Variants in MSI2 observed in about 807,000 individuals in gnomAD.
MSI2 encodes the protein RNA-binding protein Musashi homolog 2.
In MSI2, 17 loss-of-function variants were observed where a neutral mutation model predicts 45.6. That is an observed-to-expected ratio of 0.37 (90% CI 0.26 to 0.56). MSI2 has a LOEUF of 0.56. Among genes scored for constraint, MSI2 ranks in the 20% least tolerant of loss-of-function variants. The pLI, the probability that MSI2 is intolerant of heterozygous loss-of-function variation, is 0.77. For missense variants in MSI2, 293 were observed against 444.2 expected (o/e 0.66, Z 3.06); for synonymous variants, 156 against 158.2 (o/e 0.99, Z 0.11).
intron 5 of MSI2, among the ~76,000 whole-genome samples, chr17:57,286,882 G>A (rs1366668465): frequency 6.6e-6 from 1 of 152,118 alleles, no homozygotes; most frequent in Non-Finnish European, 1.5e-5. Flanking sequence ...ATGGCAGTCT[G>A]GCTCATTAAA....
At chr17:57,517,354 G>A (rs1464832269) in intron 6 of MSI2, among the ~76,000 whole-genome samples, 2 of 152,272 alleles carry the variant, frequency 1.3e-5, no homozygotes, top group Non-Finnish European at 2.9e-5. Flanking sequence ...GCGCTGATTC[G>A]GGTGCCTGAT....
Position 57,652,056 on chromosome 17 carries a change from C to T in MSI2, c.728-43C>T. 1.2e-6 allele frequency: 2 copies of T among 1,602,656 alleles called. No individual in the cohort carries two copies. The highest frequency in any genetic ancestry group is 1.7e-6 in the Non-Finnish European group (2 of 1,169,780). ...GACCTAGGTCTGTGCCTGGCCCTTT[C>T]AAGGATTCCTCCATGACTCAGGCTC... is the stretch of plus-strand genomic sequence containing the variant. On this transcript the variant is annotated intron_variant, in intron 10 of 13. Coordinates refer to ENST00000284073, the MANE Select transcript of MSI2 (RefSeq NM_138962.4). This position sits in a 1 kb window ranked among gnomAD's most constrained non-coding sequence, Gnocchi z 4.1.
At chr17:57,519,432 C>T (rs1039919496) in intron 6 of MSI2, among the ~76,000 whole-genome samples, 6 of 152,056 alleles carry the variant, frequency 3.9e-5, no homozygotes, top group African/African-American at 7.2e-5. Flanking sequence ...CTGCACGGGG[C>T]GGGGAGACTC....
intron 7 of MSI2, among the ~76,000 whole-genome samples, chr17:57,540,323 G>T (rs1446323146): frequency 6.6e-6 from 1 of 152,110 alleles, no homozygotes; most frequent in East Asian, 1.9e-4. Flanking sequence ...GGGAATGGAG[G>T]CTCAGGCTTG....
chr17:57,389,500 A>G (rs1310610164), intron 5 of MSI2, among the ~76,000 whole-genome samples: 1 of 152,148 alleles, frequency 6.6e-6, no homozygotes, highest in Non-Finnish European at 1.5e-5. Flanking sequence ...GCTGCAGGTC[A>G]TGCCCAGCCC....
rs541762774 is a variant in MSI2, at chr17:57,494,432, G to T, written c.406-35244G>T. 3.0e-4 allele frequency among the ~76,000 whole-genome samples: 45 copies of T among 152,162 alleles called. 1 individual carries two copies. In the South Asian group the frequency reaches 9.0e-3, roughly 30 times the overall value. On this transcript the variant is annotated intron_variant, in intron 6 of 13. Transcript: ENST00000284073. Reference sequence around the variant, plus strand: ...CAGACTGTGGACCTGGAGTGGGTTTGGGGGCTGGAGAAGTAGAGGAGGTGG... The same window carrying T: ...CAGACTGTGGACCTGGAGTGGGTTTTGGGGCTGGAGAAGTAGAGGAGGTGG...
At chr17:57,568,322 G>T (rs1484585541) in intron 7 of MSI2, among the ~76,000 whole-genome samples, 2 of 152,168 alleles carry the variant, frequency 1.3e-5, no homozygotes, top group Non-Finnish European at 2.9e-5. Flanking sequence ...GATCTATAAG[G>T]TGGGCACAAG....
At chr17:57,363,647 G>A (rs2143915469) in intron 5 of MSI2, among the ~76,000 whole-genome samples, 1 of 152,322 alleles carries the variant, frequency 6.6e-6, no homozygotes, top group South Asian at 2.1e-4. Flanking sequence ...GCTGAGGGAT[G>A]AGAATTGCTT....
chr17:57,299,843 G>A (rs1911286199), intron 5 of MSI2, among the ~76,000 whole-genome samples: 1 of 152,158 alleles, frequency 6.6e-6, no homozygotes. Flanking sequence ...TACAATATTA[G>A]CACAGTGCAA....
chr17:57,313,296 A>G (rs530161861), intron 5 of MSI2, among the ~76,000 whole-genome samples: 137 of 152,322 alleles, frequency 9.0e-4, no homozygotes, highest in Non-Finnish European at 1.6e-3. Flanking sequence ...CTTTTCTAGC[A>G]TAAAACACGT....
At chr17:57,376,889 G>C (rs563564705) in intron 5 of MSI2, among the ~76,000 whole-genome samples, 76 of 143,570 alleles carry the variant, frequency 5.3e-4, no homozygotes, top group Middle Eastern at 3.6e-3. Flanking sequence ...GAAGAACATG[G>C]TCATTCTGGG....
chr17:57,610,151 C>T (rs1907092459), intron 8 of MSI2, among the ~76,000 whole-genome samples: 1 of 151,896 alleles, frequency 6.6e-6, no homozygotes, highest in South Asian at 2.1e-4. Context: ...AACTTACTCT[C>T]AAATGGAAAA....
chr17:57,371,615 C>G (rs2083423148), intron 5 of MSI2, among the ~76,000 whole-genome samples: 1 of 151,546 alleles, frequency 6.6e-6, no homozygotes, highest in East Asian at 1.9e-4. Flanking sequence ...ATATTTTCCT[C>G]ATTCACTGTT....
At chr17:57,617,049 G>T (rs1907782931) in intron 9 of MSI2, among the ~76,000 whole-genome samples, 1 of 152,172 alleles carries the variant, frequency 6.6e-6, no homozygotes, top group Admixed American at 6.5e-5. Context: ...TTTCAGATTT[G>T]CTGCTGTTTA....
At chr17:57,498,556 C>G (rs982276784) in intron 6 of MSI2, among the ~76,000 whole-genome samples, 1 of 152,200 alleles carries the variant, frequency 6.6e-6, no homozygotes, top group African/African-American at 2.4e-5. Flanking sequence ...GGCCAGGCCT[C>G]ATGTCCACAT....
At chr17:57,334,587 A>G (rs886870705) in intron 5 of MSI2, among the ~76,000 whole-genome samples, 5 of 152,278 alleles carry the variant, frequency 3.3e-5, no homozygotes, top group Non-Finnish European at 5.9e-5. Context: ...TCAGGTCAGG[A>G]GTTCGAGACC....
intron 5 of MSI2, among the ~76,000 whole-genome samples, chr17:57,277,666 T>C (rs1908992958): frequency 6.6e-6 from 1 of 152,184 alleles, no homozygotes; most frequent in African/African-American, 2.4e-5. Context: ...TGCTTGACCT[T>C]GGGGAGTTCA....
At chr17:57,697,525 C>T in the MSI2 span, among the ~76,000 whole-genome samples, 2 of 152,118 alleles carry the variant, frequency 1.3e-5, no homozygotes, top group African/African-American at 2.4e-5. Flanking sequence ...CCCTTGAAGT[C>T]GCCCTACCCA....
At chr17:57,320,837 A>C (rs1187097450) in intron 5 of MSI2, among the ~76,000 whole-genome samples, 2 of 152,054 alleles carry the variant, frequency 1.3e-5, no homozygotes, top group Non-Finnish European at 2.9e-5. Context: ...AAGAAGAGAC[A>C]TGGGTACAAA....
Sources: allele counts gnomAD v4.1 joint callset (sites outside exome capture counted in the v4.1 genomes callset), GRCh38; gene constraint gnomAD v4.1.1; non-coding constraint Gnocchi (gnomAD v3.1); transcripts MANE v1.5; gene names NCBI Gene and HGNC (gene_info 2026-07-23, HGNC 2026-07-21).